The following TASP1 variants were observed in gnomAD, a reference collection of about 807,000 sequenced individuals.
The protein encoded by TASP1 is taspase 1, also known as threonine aspartase 1.
In TASP1, 16 loss-of-function variants were observed where a neutral mutation model predicts 56.6. The observed-to-expected ratio is 0.28, with a 90% CI of 0.19 to 0.43. The LOEUF is 0.43. TASP1 is among the 20% of genes least tolerant of loss of function. The pLI, the probability that TASP1 is intolerant of heterozygous loss-of-function variation, is 1.00. For synonymous variants in TASP1, 179 were observed against 184.2 expected (o/e 0.97, Z 0.23); for missense variants, 393 against 511.6 (o/e 0.77, Z 2.24).
chr20:13,196,235 C>G, the TASP1 span, among the ~76,000 whole-genome samples: 1 of 152,184 alleles, frequency 6.6e-6, no homozygotes, highest in South Asian at 2.1e-4. Context: ...AACTAACCAT[C>G]AAACTGAACT....
At chr20:13,118,948 T>C in the TASP1 span, among the ~76,000 whole-genome samples, 1 of 152,250 alleles carries the variant, frequency 6.6e-6, no homozygotes, top group African/African-American at 2.4e-5. Flanking sequence ...CTGCTTTCTT[T>C]CGGGCTCAAA....
chr20:13,224,872 G>A, the TASP1 span, among the ~76,000 whole-genome samples: 1 of 126,154 alleles, frequency 7.9e-6, no homozygotes, highest in Non-Finnish European at 1.6e-5. Flanking sequence ...TTGAGACGCA[G>A]TCTTGCTCTG....
At chr20:13,432,331 T>G (rs1342993011) in intron 12 of TASP1, among the ~76,000 whole-genome samples, 1 of 152,172 alleles carries the variant, frequency 6.6e-6, no homozygotes, top group Non-Finnish European at 1.5e-5. Flanking sequence ...GTGAGCACAT[T>G]CTACAGAGTG....
At chr20:13,545,416 C>T (rs2045771465) in intron 8 of TASP1, among the ~76,000 whole-genome samples, 1 of 152,190 alleles carries the variant, frequency 6.6e-6, no homozygotes, top group South Asian at 2.1e-4. Flanking sequence ...GCCATTCATA[C>T]ATATTTCAAA....
At chr20:13,566,323 TTA>T (rs1397057271) in intron 7 of TASP1, among the ~76,000 whole-genome samples, 4 of 152,154 alleles carry the variant, frequency 2.6e-5, no homozygotes, top group African/African-American at 9.7e-5. Context: ...ATGGTAAATT[TTA>T]TGTTATGTGT....
the TASP1 span, among the ~76,000 whole-genome samples, chr20:13,338,472 G>C: frequency 6.6e-6 from 1 of 152,086 alleles, no homozygotes; most frequent in Admixed American, 6.5e-5. Flanking sequence ...TGACCTCCTG[G>C]GAATGCAGCC....
intron 4 of TASP1, among the ~76,000 whole-genome samples, chr20:13,606,272 C>T (rs541939776): frequency 3.7e-4 from 57 of 152,026 alleles, no homozygotes; most frequent in Admixed American, 9.8e-4. Flanking sequence ...ACAAGAACTC[C>T]CTTCCCCAAC....
At chr20:13,385,217 G>A (rs1225623660), downstream of TASP1, among the ~76,000 whole-genome samples, 2 of 152,148 alleles carry the variant, frequency 1.3e-5, no homozygotes, top group African/African-American at 2.4e-5. Flanking sequence ...GTCATGAAAC[G>A]CCTTTAGCTA....
At chr20:13,216,689 C>T in the TASP1 span, among the ~76,000 whole-genome samples, 3 of 152,132 alleles carry the variant, frequency 2.0e-5, no homozygotes, top group African/African-American at 7.2e-5. Flanking sequence ...TGGCTTCACA[C>T]ATTTTTTAAA....
chr20:13,139,912 G>A, the TASP1 span, among the ~76,000 whole-genome samples: 47 of 152,208 alleles, frequency 3.1e-4, no homozygotes, highest in East Asian at 7.1e-3. Context: ...AGGGACTCTC[G>A]GGTCTACTAG....
the TASP1 span, among the ~76,000 whole-genome samples, chr20:13,312,487 A>C: frequency 2.0e-5 from 3 of 152,182 alleles, no homozygotes; most frequent in Admixed American, 2.0e-4. Flanking sequence ...TCCCTCATGC[A>C]CAGTCTGAGA....
the TASP1 span, among the ~76,000 whole-genome samples, chr20:13,198,377 G>A: frequency 1.3e-5 from 2 of 152,108 alleles, no homozygotes; most frequent in African/African-American, 4.8e-5. Flanking sequence ...ACATGGTAGG[G>A]AAAAGAGCAA....
chr20:13,110,722 A>G, the TASP1 span, among the ~76,000 whole-genome samples: 1 of 152,080 alleles, frequency 6.6e-6, no homozygotes, highest in South Asian at 2.1e-4. Context: ...CTGGGGTGCA[A>G]TTCTTGTTCC....
At chr20:13,252,723 T>C in the TASP1 span, among the ~76,000 whole-genome samples, 1 of 151,632 alleles carries the variant, frequency 6.6e-6, no homozygotes, top group Non-Finnish European at 1.5e-5. Flanking sequence ...CCACTTGCAC[T>C]CCAGCTTGGG....
intron 4 of TASP1, among the ~76,000 whole-genome samples, chr20:13,590,931 G>C (rs1304415144): frequency 3.3e-5 from 5 of 151,826 alleles, no homozygotes; most frequent in Non-Finnish European, 5.9e-5. Flanking sequence ...TTAAGGTAAA[G>C]GCACTTTGAA....
rs569819140 is a variant in TASP1 at position 13,637,503 on chromosome 20, G to A, written c.-75+1391C>T. 3.9e-5 allele frequency among the ~76,000 whole-genome samples: 6 copies of A among 152,162 alleles called. No homozygotes were observed. The South Asian group carries it at 1.0e-3, about 26-fold the overall frequency. ...GAAACAACCTAAATGTCCATCGACC[G>A]ATGATGGTTAAGCAAAATGTGGCAT... On this transcript the variant is annotated intron_variant, in intron 1 of 13. Coordinates refer to ENST00000337743, the MANE Select transcript of TASP1 (RefSeq NM_017714.3).
At chr20:13,109,733 G>A in the TASP1 span, among the ~76,000 whole-genome samples, 7,612 of 152,250 alleles carry the variant, frequency 0.05, 612 homozygotes, top group African/African-American at 0.17. Flanking sequence ...ATGTCTACAC[G>A]ATTGATGAGT....
the TASP1 span, among the ~76,000 whole-genome samples, chr20:13,214,496 G>A: frequency 7.2e-6 from 1 of 139,544 alleles, no homozygotes; most frequent in South Asian, 2.5e-4. Flanking sequence ...CATAGCAGTG[G>A]GAAAGTTCCA....
chr20:13,209,255 G>GT, the TASP1 span, among the ~76,000 whole-genome samples: 1 of 152,276 alleles, frequency 6.6e-6, no homozygotes, highest in African/African-American at 2.4e-5. Context: ...GAATTAAAAT[G>GT]TTTTTTGTTA....
Sources: gnomAD v4.1 joint callset for allele counts (sites outside exome capture counted in the v4.1 genomes callset) on GRCh38, gnomAD v4.1.1 for gene constraint, MANE v1.5 for transcripts, NCBI Gene and HGNC (gene_info 2026-07-23, HGNC 2026-07-21) for gene names.